GNAO1: variants seen among roughly 807,000 people sequenced by gnomAD.
GNAO1 encodes the protein guanine nucleotide-binding protein G(o) subunit alpha.
For synonymous variants in GNAO1, 164 were observed against 180.7 expected, an observed-to-expected ratio of 0.91 and a Z score of 0.74; for missense variants, 166 against 478.7, an observed-to-expected ratio of 0.35 and a Z score of 6.10.
At position 56,191,958 on chromosome 16, in the gene GNAO1, C is replaced by A; in HGVS notation, c.-278C>A. The A allele has an allele frequency of 2.0e-6, 1 of 505,164 alleles. No homozygotes were observed. 31.3% of individuals were successfully genotyped at this position (505,164 alleles called of 1,614,324 possible). ...CCGCGCCTCCTCGGCCCGCGGGCGC[C>A]TCCTCCCTTGGCTCCGGAGCCCCAG... is the stretch of plus-strand genomic sequence containing the variant. On this transcript the variant is annotated 5_prime_UTR_variant, in exon 1 of 9. Coordinates refer to ENST00000262493, the MANE Select transcript of GNAO1 (RefSeq NM_020988.3). The surrounding 1 kb of genome is among the most constrained non-coding windows in gnomAD (Gnocchi z 4.7).
intron 2 of GNAO1, among the ~76,000 whole-genome samples, chr16:56,203,412 G>T (rs1350054939): frequency 6.6e-6 from 1 of 152,102 alleles, no homozygotes; most frequent in Non-Finnish European, 1.5e-5. Flanking sequence ...TCTTTTCCCT[G>T]GGATCCCAGC....
At chr16:56,202,187 A>G (rs1404015529) in intron 2 of GNAO1, among the ~76,000 whole-genome samples, 2 of 152,248 alleles carry the variant, frequency 1.3e-5, no homozygotes, top group African/African-American at 2.4e-5. Flanking sequence ...TTTCAAGGGC[A>G]GGAAGTGGTT....
At chr16:56,205,320 T>A (rs1394390569) in intron 2 of GNAO1, among the ~76,000 whole-genome samples, 3 of 152,182 alleles carry the variant, frequency 2.0e-5, no homozygotes, top group African/African-American at 7.2e-5. Context: ...AGGAAGGCTG[T>A]GAATCTGAGC....
chr16:56,295,006 A>G (rs2037271046), intron 3 of GNAO1, among the ~76,000 whole-genome samples: 2 of 152,088 alleles, frequency 1.3e-5, no homozygotes, highest in African/African-American at 4.8e-5. Flanking sequence ...AATATCCCTG[A>G]TACAAGTTCC....
At chr16:56,305,416 GT>G (rs1441329009) in intron 3 of GNAO1, among the ~76,000 whole-genome samples, 4 of 152,194 alleles carry the variant, frequency 2.6e-5, no homozygotes, top group African/African-American at 9.7e-5. Context: ...GGAGATGGGG[GT>G]GATCAGGGAA....
At chr16:56,304,091 A>G (rs2037369691) in intron 3 of GNAO1, among the ~76,000 whole-genome samples, 1 of 152,242 alleles carries the variant, frequency 6.6e-6, no homozygotes, top group Non-Finnish European at 1.5e-5. Flanking sequence ...CATCCTGGAT[A>G]CAAGAGGGCG....
intron 3 of GNAO1, among the ~76,000 whole-genome samples, chr16:56,295,886 T>C (rs2037283334): frequency 6.6e-6 from 1 of 152,234 alleles, no homozygotes; most frequent in African/African-American, 2.4e-5. Flanking sequence ...CAGGCAAGGC[T>C]CGGCTGTCAC....
chr16:56,301,754 A>C (rs1439838417), intron 3 of GNAO1: 1 of 152,156 alleles, frequency 6.6e-6, no homozygotes, highest in Admixed American at 6.5e-5. Context: ...TCAGAGTGCC[A>C]GATGTGGGTG....
chr16:56,238,188 G>GCATCCTCCTGATATCT (rs2036659498), intron 2 of GNAO1, among the ~76,000 whole-genome samples: 1 of 151,650 alleles, frequency 6.6e-6, no homozygotes, highest in Non-Finnish European at 1.5e-5. Flanking sequence ...GCCACAAGAG[G>GCATCCTCCTGATATCT]AGGTTTTCAA....
intron 6 of GNAO1, among the ~76,000 whole-genome samples, chr16:56,350,808 T>C (rs3790113): frequency 0.46 from 69,349 of 151,944 alleles, 17,767 homozygotes; most frequent in African/African-American, 0.7. Flanking sequence ...AACATCCCCC[T>C]ACCCAGGATG....
chr16:56,200,736 G>T (rs1248942065), intron 2 of GNAO1, among the ~76,000 whole-genome samples: 1 of 152,224 alleles, frequency 6.6e-6, no homozygotes, highest in Non-Finnish European at 1.5e-5. Flanking sequence ...GAGGTCAGTG[G>T]CTGAGAGAAT....
chr16:56,240,635 C>T (rs1319709085), intron 2 of GNAO1, among the ~76,000 whole-genome samples: 3 of 152,128 alleles, frequency 2.0e-5, no homozygotes, highest in African/African-American at 7.2e-5. Flanking sequence ...TTTGCCAAGT[C>T]CTCCATGTAA....
chr16:56,349,915 C>T (rs779570303), intron 6 of GNAO1, among the ~76,000 whole-genome samples: 7 of 152,220 alleles, frequency 4.6e-5, no homozygotes, highest in African/African-American at 1.2e-4. Flanking sequence ...ATCGATTCCT[C>T]GAAAGCCCCA....
At chr16:56,309,796 C>A (rs552929553) in intron 3 of GNAO1, among the ~76,000 whole-genome samples, 206 of 128,282 alleles carry the variant, frequency 1.6e-3, no homozygotes, top group Middle Eastern at 8.5e-3. Flanking sequence ...GCAGTGCCTG[C>A]TGTGCTGGGT....
chr16:56,210,923 T>C (rs1460927600), intron 2 of GNAO1, among the ~76,000 whole-genome samples: 1 of 152,274 alleles, frequency 6.6e-6, no homozygotes, highest in African/African-American at 2.4e-5. Context: ...TATCTGTTTC[T>C]GGTATATAGA....
intron 2 of GNAO1, among the ~76,000 whole-genome samples, chr16:56,232,222 C>T (rs113799467): frequency 1.5e-4 from 23 of 152,346 alleles, no homozygotes; most frequent in African/African-American, 5.3e-4. Context: ...TTAGCAAGGG[C>T]TTCCTAATGC....
In GNAO1 at chr16:56,350,087, T is replaced by G. The variant is rs541452286; in HGVS notation, c.724-1297T>G. ...AGTGACTGGTGTGGTCACTTCATCT[T>G]CATTGCCCTCCTTCTGCTCAGAGGG... On this transcript the variant is annotated intron_variant, in intron 6 of 8. Coordinates refer to ENST00000262493, the MANE Select transcript of GNAO1 (RefSeq NM_020988.3). 2.0e-5 allele frequency among the ~76,000 whole-genome samples: 3 copies of G among 152,208 alleles called. No individual in the cohort carries two copies. The South Asian group carries it at 6.2e-4, about 32-fold the overall frequency.
chr16:56,263,159 C>T (rs756795317), intron 2 of GNAO1, among the ~76,000 whole-genome samples: 17 of 152,240 alleles, frequency 1.1e-4, no homozygotes, highest in South Asian at 2.1e-4. Flanking sequence ...CTATTCAGTC[C>T]GCAAGGTGGA....
chr16:56,316,665 C>G (rs2037513123), intron 3 of GNAO1, among the ~76,000 whole-genome samples: 2 of 152,198 alleles, frequency 1.3e-5, no homozygotes, highest in African/African-American at 4.8e-5. Context: ...GAGGCCCAGA[C>G]CCTGCCTCCC....
Sources: allele counts gnomAD v4.1 joint callset (sites outside exome capture counted in the v4.1 genomes callset), GRCh38; gene constraint gnomAD v4.1.1; non-coding constraint Gnocchi (gnomAD v3.1); transcripts MANE v1.5; gene names NCBI Gene and HGNC (gene_info 2026-07-23, HGNC 2026-07-21).